The following SND1 variants were observed in gnomAD, a reference collection of about 807,000 sequenced individuals.
The protein encoded by SND1 is staphylococcal nuclease domain-containing protein 1.
In SND1, 38 loss-of-function variants were observed where a neutral mutation model predicts 121.7. The observed-to-expected ratio is 0.31, with a 90% CI of 0.24 to 0.41. The LOEUF is 0.41. Among genes scored for constraint, SND1 ranks in the 10% least tolerant of loss-of-function variants. The probability of loss-of-function intolerance (pLI) is 1.00; values close to 1 mark genes in which losing one functional copy is unlikely to be tolerated. For synonymous variants in SND1, 401 were observed against 447.4 expected, an observed-to-expected ratio of 0.90 and a Z score of 1.31; for missense variants, 868 against 1,184.6, an observed-to-expected ratio of 0.73 and a Z score of 3.92.
chr7:127,883,740 T>C (rs748905434), intron 12 of SND1, among the ~76,000 whole-genome samples: 32 of 152,198 alleles, frequency 2.1e-4, no homozygotes, highest in Non-Finnish European at 4.1e-4. Context: ...GTGTTGCAGT[T>C]AGAGGTCATG....
chr7:127,797,777 A>G (rs1267879568), intron 10 of SND1, among the ~76,000 whole-genome samples: 1 of 152,078 alleles, frequency 6.6e-6, no homozygotes, highest in African/African-American at 2.4e-5. Flanking sequence ...CCCCCCTTGC[A>G]GTAGTATTTG....
chr7:128,089,390 C>G, intron 21 of SND1, 99 bp from the exon 22 acceptor site: 1 of 1,192,914 alleles, frequency 8.4e-7, no homozygotes, highest in Non-Finnish European at 1.2e-6. Context: ...AAATTACAGG[C>G]CCCTGCTGGC....
chr7:128,033,717 CTG>C (rs1373175580), intron 16 of SND1, among the ~76,000 whole-genome samples: 1 of 152,190 alleles, frequency 6.6e-6, no homozygotes, highest in Non-Finnish European at 1.5e-5. Context: ...AACCCTTACT[CTG>C]TATTCCACTG....
intron 16 of SND1, among the ~76,000 whole-genome samples, chr7:128,018,114 T>A (rs1803266309): frequency 6.6e-6 from 1 of 152,228 alleles, no homozygotes; most frequent in Non-Finnish European, 1.5e-5. Context: ...TGTTCCTTCT[T>A]CCCCAGTACT....
chr7:127,777,312 A>ATATT (rs1356075746), intron 10 of SND1, among the ~76,000 whole-genome samples: 1 of 152,240 alleles, frequency 6.6e-6, no homozygotes, highest in Admixed American at 6.5e-5. Context: ...TAAAACTGAG[A>ATATT]TATTAATGTT....
intron 2 of SND1, among the ~76,000 whole-genome samples, chr7:127,688,360 C>T (rs74393559): frequency 0.045 from 6,910 of 152,058 alleles, 225 homozygotes; most frequent in Non-Finnish European, 0.067. Context: ...TTGGCTTCTA[C>T]ACTTTGAAAC....
chr7:127,709,048 T>C (rs1426977000), intron 9 of SND1, among the ~76,000 whole-genome samples: 1 of 152,202 alleles, frequency 6.6e-6, no homozygotes, highest in Non-Finnish European at 1.5e-5. Context: ...TTCCCTCTTT[T>C]TGTAGGTGAT....
At position 127,701,219 on chromosome 7, in the gene SND1, G is replaced by C. The variant is rs1796093981; in HGVS notation, c.485G>C (p.Gly162Ala). 2 of 1,613,906 alleles carry C rather than the reference G, an allele frequency of 1.2e-6. No homozygotes were observed. Among genetic ancestry groups the C allele is most frequent in the African/African-American group, 1.3e-5 (1 of 74,890 alleles). The change falls in exon 5 of 24, where the codon GGG (glycine) becomes GCG (alanine). Residue 162 changes from glycine to alanine, a missense_variant. Gly to Ala is a moderately conservative substitution (Grantham distance 60). Transcript: ENST00000354725. ...GAACAAGCAAAGGCAGCCAAGAAAG[G>C]GATGTGGAGTGAGGGGAACGGTTCA... ...CEEQAKAAKK[G>A]MWSEGNGSHT...
chr7:127,948,081 T>G (rs1213024212), intron 15 of SND1, among the ~76,000 whole-genome samples: 1 of 152,176 alleles, frequency 6.6e-6, no homozygotes, highest in East Asian at 1.9e-4. Flanking sequence ...AGGCGAAACA[T>G]GAGGTGGAAA....
chr7:127,979,501 G>A lies in SND1; in HGVS notation c.1670-11446G>A, dbSNP rs1195178712. On this transcript the variant is annotated intron_variant, in intron 15 of 23. Coordinates refer to ENST00000354725, the MANE Select transcript of SND1 (RefSeq NM_014390.4). Reference sequence around the variant, plus strand: ...CTGGAGTGGCAGGGTGAGTAGTTTGGCAGGAAGGGCAGTTACAGAACAGGT... The same window carrying A: ...CTGGAGTGGCAGGGTGAGTAGTTTGACAGGAAGGGCAGTTACAGAACAGGT... 6.2e-4 allele frequency among the ~76,000 whole-genome samples: 95 copies of A among 152,290 alleles called. 2 individuals are homozygous for A. The highest frequency in any genetic ancestry group is 5.9e-5 in the Non-Finnish European group (4 of 68,026).
chr7:127,828,250 G>A lies in SND1; in HGVS notation c.1243-16074G>A, dbSNP rs933236678. Among the ~76,000 whole-genome samples, 9 of 152,236 alleles carry A rather than the reference G, an allele frequency of 5.9e-5. 1 individual carries two copies. The highest frequency in any genetic ancestry group is 2.2e-4 in the African/African-American group (9 of 41,532). On this transcript the variant is annotated intron_variant, in intron 11 of 23. Transcript: ENST00000354725. ...GACCTCAGGTGATCTGCCTGCCTCAGCCTCCCAAAGTGCTGGGATTACGGG... is the reference window on the plus strand; with the variant it reads ...GACCTCAGGTGATCTGCCTGCCTCAACCTCCCAAAGTGCTGGGATTACGGG...
At chr7:127,865,931 CCA>C (rs1272912483) in intron 12 of SND1, among the ~76,000 whole-genome samples, 2 of 146,820 alleles carry the variant, frequency 1.4e-5, no homozygotes, top group Non-Finnish European at 3.0e-5. Flanking sequence ...TTTTTTTTTA[CCA>C]CATACCTGCT....
rs112989986 is a variant in SND1 at position 127,749,230 on chromosome 7, G to T, written c.1152+27830G>T. Among the ~76,000 whole-genome samples the T allele has an allele frequency of 3.3e-3, 497 of 152,106 alleles. 2 individuals carry two copies. Among genetic ancestry groups the T allele is most frequent in the African/African-American group, 0.011 (438 of 41,500 alleles). On this transcript the variant is annotated intron_variant, in intron 10 of 23. Transcript: ENST00000354725. Reference sequence around the variant, plus strand: ...TGTAGAGATGGGGTCTCACCATGTTGCCCAGGCTGGTCTTGAACTCCTGGG... The same window carrying T: ...TGTAGAGATGGGGTCTCACCATGTTTCCCAGGCTGGTCTTGAACTCCTGGG...
intron 15 of SND1, among the ~76,000 whole-genome samples, chr7:127,983,162 T>A (rs1172829574): frequency 2.6e-5 from 4 of 152,188 alleles, no homozygotes; most frequent in African/African-American, 9.7e-5. Flanking sequence ...TTTGTTTTGT[T>A]TTTTGGTGGG....
intron 9 of SND1, among the ~76,000 whole-genome samples, chr7:127,713,433 A>T (rs1562987986): frequency 1.3e-5 from 2 of 152,200 alleles, no homozygotes; most frequent in Admixed American, 6.5e-5. Flanking sequence ...AGGGAATCCT[A>T]AAAAAGTTCT....
chr7:128,022,370 G>A (rs1465046721), intron 16 of SND1, among the ~76,000 whole-genome samples: 1 of 152,158 alleles, frequency 6.6e-6, no homozygotes, highest in Non-Finnish European at 1.5e-5. Flanking sequence ...GTACTATCTT[G>A]GTCCGTCTAG....
chr7:128,065,550 T>C (rs970754636), intron 16 of SND1, among the ~76,000 whole-genome samples: 1 of 152,192 alleles, frequency 6.6e-6, no homozygotes. Flanking sequence ...AAGTCAGAGA[T>C]TTAATAACCT....
chr7:127,818,495 G>T (rs952490136), intron 11 of SND1, among the ~76,000 whole-genome samples: 4 of 152,136 alleles, frequency 2.6e-5, no homozygotes, highest in African/African-American at 9.7e-5. Context: ...AAGGTTGATG[G>T]ACCTTGACTG....
At chr7:127,907,681 A>G (rs1800367607) in intron 14 of SND1, among the ~76,000 whole-genome samples, 1 of 152,200 alleles carries the variant, frequency 6.6e-6, no homozygotes, top group Admixed American at 6.5e-5. Flanking sequence ...GCTTAAGTGC[A>G]CATTCTGTCT....
Sources: gnomAD v4.1 joint callset for allele counts (sites outside exome capture counted in the v4.1 genomes callset) on GRCh38, gnomAD v4.1.1 for gene constraint, MANE v1.5 for transcripts, NCBI Gene and HGNC (gene_info 2026-07-23, HGNC 2026-07-21) for gene names.